Variants in PRKCB observed in about 807,000 individuals in gnomAD.
The protein encoded by PRKCB is protein kinase C beta type.
A neutral mutation model predicts 81.5 loss-of-function variants in PRKCB; 13 were observed. The ratio of observed to expected loss-of-function variants is 0.16; its 90% CI spans 0.10 to 0.25. The LOEUF (loss-of-function observed/expected upper bound fraction) is 0.25, where lower values mean the gene tolerates loss of function less well. Among genes scored for constraint, PRKCB ranks in the 10% least tolerant of loss-of-function variants. The pLI, the probability that PRKCB is intolerant of heterozygous loss-of-function variation, is 1.00. For missense variants in PRKCB, 509 were observed against 875.7 expected (o/e 0.58, Z 5.29); for synonymous variants, 335 against 321.4 (o/e 1.04, Z -0.45).
intron 2 of PRKCB, among the ~76,000 whole-genome samples, chr16:23,948,677 G>A (rs1964236207): frequency 6.6e-6 from 1 of 152,302 alleles, no homozygotes; most frequent in South Asian, 2.1e-4. Flanking sequence ...AAAGTGCTGG[G>A]ATTACAGGTG....
intron 2 of PRKCB, among the ~76,000 whole-genome samples, chr16:23,962,249 C>T (rs952162503): frequency 1.3e-5 from 2 of 152,114 alleles, no homozygotes; most frequent in Non-Finnish European, 2.9e-5. Flanking sequence ...ACTCAGTGTG[C>T]CACAACCCTC....
rs1275838250 is a variant in PRKCB, at chr16:24,218,569, A to G, written c.*3753A>G. On this transcript the variant is annotated 3_prime_UTR_variant, in exon 17 of 17. Transcript: ENST00000643927. ...AGTAAGGAGGGAACTCCATAGAGAC[A>G]TTTTACCTATCTCAGGGGAGCAGCC... is the stretch of plus-strand genomic sequence containing the variant. 54 of 985,314 alleles carry G rather than the reference A, an allele frequency of 5.5e-5. No individual in the cohort carries two copies. Among genetic ancestry groups the G allele is most frequent in the Non-Finnish European group, 6.5e-5 (54 of 829,954 alleles). 61.0% of individuals were successfully genotyped at this position (985,314 alleles called of 1,614,324 possible). A position where few individuals can be genotyped will look rare whatever the true frequency, so the allele number is the denominator to read the frequency against.
At chr16:23,854,781 A>C (rs931430830) in intron 2 of PRKCB, among the ~76,000 whole-genome samples, 2 of 152,018 alleles carry the variant, frequency 1.3e-5, no homozygotes, top group African/African-American at 4.8e-5. Context: ...ATTTTTTGGA[A>C]CCCACCACAC....
chr16:24,036,280 C>T (rs1965617608), intron 5 of PRKCB, among the ~76,000 whole-genome samples: 1 of 152,036 alleles, frequency 6.6e-6, no homozygotes, highest in Admixed American at 6.6e-5. Context: ...ATACCTGGCT[C>T]TGATATGGGA....
intron 2 of PRKCB, among the ~76,000 whole-genome samples, chr16:23,984,874 C>G (rs1392494137): frequency 6.6e-6 from 1 of 152,072 alleles, no homozygotes; most frequent in Non-Finnish European, 1.5e-5. Flanking sequence ...GCTGTCATCC[C>G]TTTACTTTCA....
At chr16:24,182,273 C>A (rs141890258) in intron 13 of PRKCB, among the ~76,000 whole-genome samples, 56 of 152,220 alleles carry the variant, frequency 3.7e-4, no homozygotes, top group African/African-American at 1.3e-3. Flanking sequence ...AATCTCAGCA[C>A]TTTGGGAGCC....
chr16:24,060,337 T>C (rs1373498390), intron 5 of PRKCB, among the ~76,000 whole-genome samples: 1 of 152,138 alleles, frequency 6.6e-6, no homozygotes, highest in Non-Finnish European at 1.5e-5. Flanking sequence ...CAGCGCTTAG[T>C]GCATAATGAG....
chr16:24,104,571 C>A (rs1333106043), intron 7 of PRKCB, among the ~76,000 whole-genome samples: 1 of 152,190 alleles, frequency 6.6e-6, no homozygotes, highest in African/African-American at 2.4e-5. Flanking sequence ...GACAAGGAAT[C>A]TTGGGGAGTG....
chr16:24,062,795 A>G (rs775707420), intron 5 of PRKCB, among the ~76,000 whole-genome samples: 4 of 152,002 alleles, frequency 2.6e-5, no homozygotes, highest in Non-Finnish European at 5.9e-5. Context: ...TCTTGTGCCA[A>G]TTAGAATGCA....
At chr16:23,836,964 A>G (rs973937815) in intron 1 of PRKCB, among the ~76,000 whole-genome samples, 2 of 150,206 alleles carry the variant, frequency 1.3e-5, no homozygotes, top group Admixed American at 6.6e-5. Flanking sequence ...GTAGTGGGGC[A>G]TCCTTTCCTC....
At chr16:23,986,525 T>A (rs1964806232) in intron 2 of PRKCB, among the ~76,000 whole-genome samples, 1 of 152,192 alleles carries the variant, frequency 6.6e-6, no homozygotes, top group African/African-American at 2.4e-5. Context: ...GTGCTGGGAT[T>A]ACAGATGTGA....
intron 2 of PRKCB, among the ~76,000 whole-genome samples, chr16:23,930,510 A>C (rs911619107): frequency 2.7e-4 from 41 of 152,106 alleles, no homozygotes; most frequent in African/African-American, 9.9e-4. Context: ...TCGAGGCTTC[A>C]GTGAACCATG....
At chr16:24,056,779 G>A (rs976622306) in intron 5 of PRKCB, among the ~76,000 whole-genome samples, 1 of 152,178 alleles carries the variant, frequency 6.6e-6, no homozygotes, top group Non-Finnish European at 1.5e-5. Flanking sequence ...CACCAGAAGT[G>A]GATGCCAGCA....
chr16:23,918,375 AC>A (rs1963775004), intron 2 of PRKCB, among the ~76,000 whole-genome samples: 1 of 149,062 alleles, frequency 6.7e-6, no homozygotes. Context: ...TCTTTGTGTT[AC>A]CTTTTTATTA....
In PRKCB at chr16:24,070,333, G is replaced by A. The variant is rs1176635060; in HGVS notation, c.530-22458G>A. On this transcript the variant is annotated intron_variant, in intron 5 of 16. Coordinates refer to ENST00000643927, the MANE Select transcript of PRKCB (RefSeq NM_002738.7). ...TTGGCTAATCTTTGTATTTTCAGTA[G>A]CGACGGATTTTTGCCATCTTGGCCA... 2.0e-5 allele frequency among the ~76,000 whole-genome samples: 3 copies of A among 151,858 alleles called. No homozygotes were observed. The South Asian group carries it at 6.2e-4, about 32-fold the overall frequency.
At chr16:24,028,877 G>A (rs1430985223) in intron 3 of PRKCB, among the ~76,000 whole-genome samples, 1 of 151,608 alleles carries the variant, frequency 6.6e-6, no homozygotes, top group African/African-American at 2.4e-5. Context: ...TGCAACCTCC[G>A]CCTCCTGGGT....
intron 3 of PRKCB, among the ~76,000 whole-genome samples, chr16:23,991,787 T>C (rs1257542498): frequency 6.6e-6 from 1 of 152,202 alleles, no homozygotes; most frequent in East Asian, 1.9e-4. Context: ...ACCTTTAATC[T>C]TATATCTTAT....
chr16:24,108,278 TA>T (rs1966603633), intron 7 of PRKCB, among the ~76,000 whole-genome samples: 1 of 88,124 alleles, frequency 1.1e-5, no homozygotes, highest in African/African-American at 4.7e-5. Context: ...ATCTTTTATT[TA>T]TTTATTTTTT....
chr16:24,170,533 C>T (rs1967426684), intron 10 of PRKCB, among the ~76,000 whole-genome samples: 1 of 151,942 alleles, frequency 6.6e-6, no homozygotes, highest in South Asian at 2.1e-4. Context: ...TTCACCCAAG[C>T]AGAAGTCTCT....
Sources: gnomAD v4.1 joint callset for allele counts (sites outside exome capture counted in the v4.1 genomes callset) on GRCh38, gnomAD v4.1.1 for gene constraint, MANE v1.5 for transcripts, NCBI Gene and HGNC (gene_info 2026-07-23, HGNC 2026-07-21) for gene names.